CABLES1: variants seen among roughly 807,000 people sequenced by gnomAD.
CABLES1 encodes the protein Cdk5 and Abl enzyme substrate 1, also known as CDK5 and ABL1 enzyme substrate 1.
A neutral mutation model predicts 57.8 loss-of-function variants in CABLES1; 36 were observed. The ratio of observed to expected loss-of-function variants is 0.62; its 90% CI spans 0.48 to 0.82. The LOEUF (loss-of-function observed/expected upper bound fraction) is 0.82, where lower values mean the gene tolerates loss of function less well. Ranked by LOEUF, CABLES1 falls within the 40% of genes least tolerant of loss-of-function variation. The pLI, the probability that CABLES1 is intolerant of heterozygous loss-of-function variation, is 0.00. For synonymous variants in CABLES1, 374 were observed against 363.0 expected (o/e 1.03, Z -0.35); for missense variants, 767 against 836.6 (o/e 0.92, Z 1.03).
At chr18:23,194,725 G>A (rs900650229) in intron 3 of CABLES1, among the ~76,000 whole-genome samples, 185 bp downstream of exon 3, 1 of 152,196 alleles carries the variant, frequency 6.6e-6, no homozygotes, top group Non-Finnish European at 1.5e-5. Flanking sequence ...AAAGCAATCT[G>A]TAGAGAATAA....
At position 23,136,428 on chromosome 18, in the gene CABLES1, C is replaced by G; in HGVS notation, c.666C>G (p.Ala222=). Residue 222 remains alanine (A), a synonymous_variant, in exon 1 of 10, where the codon GCC becomes GCG. Transcript: ENST00000256925. The part of the protein sequence containing the change: ...DAFISVQVPA[A]AFLGSGTPGS... ...TTATCAGCGTGCAGGTGCCGGCGGC[C>G]GCCTTTTTGGGCTCCGGGACCCCCG... 1 of 1,602,272 alleles carries G rather than the reference C, an allele frequency of 6.2e-7. No homozygotes were observed. Among genetic ancestry groups the G allele is most frequent in the Non-Finnish European group, 8.5e-7 (1 of 1,175,896 alleles).
intron 1 of CABLES1, among the ~76,000 whole-genome samples, chr18:23,147,822 G>A (rs777790565): frequency 1.8e-4 from 28 of 152,138 alleles, no homozygotes; most frequent in African/African-American, 2.4e-5. Context: ...CCAGGCCCAG[G>A]AAGACGCTGC....
intron 4 of CABLES1, among the ~76,000 whole-genome samples, chr18:23,220,024 T>TG (rs1047271922): frequency 3.3e-5 from 5 of 152,172 alleles, no homozygotes; most frequent in Admixed American, 1.3e-4. Context: ...TTGGGAACAC[T>TG]GGAAAATGTT....
intron 3 of CABLES1, among the ~76,000 whole-genome samples, chr18:23,201,608 T>C (rs560998168): frequency 2.0e-5 from 3 of 152,330 alleles, no homozygotes; most frequent in African/African-American, 4.8e-5. Context: ...TATTGCTTAA[T>C]GACTCTCCAG....
At chr18:23,145,125 C>T (rs993052408) in intron 1 of CABLES1, among the ~76,000 whole-genome samples, 7 of 152,054 alleles carry the variant, frequency 4.6e-5, no homozygotes, top group African/African-American at 1.2e-4. Flanking sequence ...TTAGTAGAGA[C>T]GGGGTTTCGC....
chr18:23,188,543 T>TTGTGTGTGTGTGTGTGTGTGTG lies in CABLES1; in HGVS notation c.846-293_846-272dup, dbSNP rs55888102. ...GTATATTACAAGAGGCACCTTGTCT[T>TTGTGTGTGTGTGTGTGTGTGTG]TGTGTGTGTGTGTGTGTGTGTGTCC... On this transcript the variant is annotated intron_variant, in intron 1 of 9. Coordinates refer to ENST00000256925, the MANE Select transcript of CABLES1 (RefSeq NM_001100619.3). 9.8e-3 allele frequency among the ~76,000 whole-genome samples: 1,461 copies of TTGTGTGTGTGTGTGTGTGTGTG among 149,030 alleles called. 15 individuals carry two copies. Among genetic ancestry groups the TTGTGTGTGTGTGTGTGTGTGTG allele is most frequent in the African/African-American group, 0.028 (1,135 of 40,678 alleles).
At chr18:23,141,428 G>A (rs368879069) in intron 1 of CABLES1, among the ~76,000 whole-genome samples, 9 of 152,268 alleles carry the variant, frequency 5.9e-5, no homozygotes, top group African/African-American at 1.9e-4. Flanking sequence ...TTCACCACCC[G>A]CTTTGTGACA....
chr18:23,228,023 G>A (rs1405515126), intron 4 of CABLES1, among the ~76,000 whole-genome samples: 2 of 152,186 alleles, frequency 1.3e-5, no homozygotes, highest in Non-Finnish European at 2.9e-5. Context: ...CTCCATTTTG[G>A]AAGCAGAAAG....
Position 23,234,591 on chromosome 18 carries a change from C to G in CABLES1, c.1089-17C>G. On this transcript the variant is annotated splice_polypyrimidine_tract_variant and intron_variant, in intron 4 of 9. Transcript: ENST00000256925. The stretch of plus-strand genomic sequence containing the variant: ...GCACACAAAAGCATTTTTTTTTCCT[C>G]TGACTTGTCCTCCCAGGGACTTGAA... 3.1e-6 allele frequency: 5 copies of G among 1,601,320 alleles called. No homozygotes were observed. Among genetic ancestry groups the G allele is most frequent in the Non-Finnish European group, 4.3e-6 (5 of 1,170,306 alleles).
At chr18:23,224,689 C>T (rs1290761258) in intron 4 of CABLES1, among the ~76,000 whole-genome samples, 1 of 150,574 alleles carries the variant, frequency 6.6e-6, no homozygotes, top group Non-Finnish European at 1.5e-5. Context: ...CTGCCACAGC[C>T]TCCTGAGTAG....
chr18:23,259,564 G>A lies in CABLES1; in HGVS notation c.*2197G>A, dbSNP rs1379771081. The A allele has an allele frequency of 3.3e-5, 5 of 152,214 alleles. No homozygotes were observed. The highest frequency in any genetic ancestry group is 2.9e-5 in the Non-Finnish European group (2 of 68,048). 9.4% of individuals were successfully genotyped at this position (152,214 alleles called of 1,614,324 possible). ...GTGGATTTGTGGAATGGACAGTTTT[G>A]TGGGTTTTAATTTATTTGTGAGGAG... is the stretch of plus-strand genomic sequence containing the variant. On this transcript the variant is annotated 3_prime_UTR_variant, in exon 10 of 10. Transcript: ENST00000256925.
At chr18:23,219,127 T>C (rs2047466888) in intron 4 of CABLES1, 2 of 452,588 alleles carry the variant, frequency 4.4e-6, no homozygotes, top group African/African-American at 4.0e-5. Context: ...CAGAATTCAC[T>C]CACCTGCAGC....
intron 7 of CABLES1, among the ~76,000 whole-genome samples, chr18:23,247,613 A>G (rs2047929326): frequency 6.6e-6 from 1 of 152,206 alleles, no homozygotes; most frequent in Admixed American, 6.5e-5. Flanking sequence ...CAGAGGAGCA[A>G]ACGGAGGCAC....
At chr18:23,229,326 C>G in intron 4 of CABLES1, among the ~76,000 whole-genome samples, 1 of 152,118 alleles carries the variant, frequency 6.6e-6, no homozygotes, top group East Asian at 1.9e-4. Flanking sequence ...GCAGGAGAAT[C>G]GCTTGAACCT....
At chr18:23,157,065 A>G (rs2046970639) in intron 1 of CABLES1, among the ~76,000 whole-genome samples, 2 of 152,134 alleles carry the variant, frequency 1.3e-5, no homozygotes, top group African/African-American at 4.8e-5. Context: ...TGAAAGTGCC[A>G]TGAGTGTCCA....
intron 1 of CABLES1, among the ~76,000 whole-genome samples, chr18:23,147,978 CCTT>C (rs2046903178): frequency 7.4e-6 from 1 of 135,944 alleles, no homozygotes; most frequent in Non-Finnish European, 1.5e-5. Flanking sequence ...TGCTTGGCCT[CCTT>C]TTTTTTTTTT....
intron 1 of CABLES1, among the ~76,000 whole-genome samples, chr18:23,137,511 C>T (rs1253737036): frequency 6.6e-6 from 1 of 152,100 alleles, no homozygotes; most frequent in African/African-American, 2.4e-5. Flanking sequence ...GTTAATAAGG[C>T]CTCTTGTGAA....
chr18:23,230,238 G>A (rs190977290), intron 4 of CABLES1, among the ~76,000 whole-genome samples: 1,705 of 152,280 alleles, frequency 0.011, 35 homozygotes, highest in East Asian at 0.066. Flanking sequence ...CGGGCATGGC[G>A]GCAGGCGCCT....
Position 23,205,928 on chromosome 18 carries a change from C to T in CABLES1, c.1011-8049C>T, listed in dbSNP as rs116355271. Among the ~76,000 whole-genome samples, 1,280 of 152,214 alleles carry T rather than the reference C, an allele frequency of 8.4e-3. 10 individuals carry two copies. Among genetic ancestry groups the T allele is most frequent in the Middle Eastern group, 0.024 (7 of 294 alleles). Reference sequence around the variant, plus strand: ...ATGCTGTGTGAAGATTGGAGTGATGCTGTCACAAGCCATGGAGCCACCAGT... The same window carrying T: ...ATGCTGTGTGAAGATTGGAGTGATGTTGTCACAAGCCATGGAGCCACCAGT... On this transcript the variant is annotated intron_variant, in intron 3 of 9. Coordinates refer to ENST00000256925, the MANE Select transcript of CABLES1 (RefSeq NM_001100619.3).
Sources: gnomAD v4.1 joint callset for allele counts (sites outside exome capture counted in the v4.1 genomes callset) on GRCh38, gnomAD v4.1.1 for gene constraint, MANE v1.5 for transcripts, NCBI Gene and HGNC (gene_info 2026-07-23, HGNC 2026-07-21) for gene names.